Variants in GKAP1 observed in about 807,000 individuals in gnomAD.
The protein encoded by GKAP1 is G kinase-anchoring protein 1.
In GKAP1, 31 loss-of-function variants were observed where a neutral mutation model predicts 56.7. That is an observed-to-expected ratio of 0.55 (90% CI 0.41 to 0.74). GKAP1 has a LOEUF of 0.74. Among genes scored for constraint, GKAP1 ranks in the 30% least tolerant of loss-of-function variants. The probability of loss-of-function intolerance (pLI) is 0.00; values close to 1 mark genes in which losing one functional copy is unlikely to be tolerated. For synonymous variants in GKAP1, 151 were observed against 138.6 expected (o/e 1.09, Z -0.63); for missense variants, 364 against 402.3 (o/e 0.90, Z 0.82).
Position 83,790,937 on chromosome 9 carries a change from GATT to G in GKAP1, c.361-2262_361-2260del, listed in dbSNP as rs553260352. ...ATTTAATTATAGAAAGGGCATTTGA[GATT>G]ATTTCTAATATGTCACATAGTCTGA... On this transcript the variant is annotated intron_variant, in intron 4 of 12. Transcript: ENST00000376371. 8.5e-5 allele frequency among the ~76,000 whole-genome samples: 13 copies of G among 152,346 alleles called. No individual in the cohort carries two copies. The South Asian group carries it at 2.7e-3, about 32-fold the overall frequency.
chr9:83,804,562 G>A (rs1444359440), intron 3 of GKAP1, among the ~76,000 whole-genome samples: 3 of 79,244 alleles, frequency 3.8e-5, no homozygotes, highest in African/African-American at 1.2e-4. Context: ...CGCCCCGTCC[G>A]GGAGGGAGGT....
chr9:83,816,083 G>A (rs1306901143), intron 2 of GKAP1, among the ~76,000 whole-genome samples: 2 of 150,386 alleles, frequency 1.3e-5, no homozygotes, highest in African/African-American at 2.5e-5. Context: ...CAGCTACTCA[G>A]GAGGCTGAGG....
intron 3 of GKAP1, among the ~76,000 whole-genome samples, chr9:83,800,279 G>A (rs866209613): frequency 3.7e-4 from 55 of 149,358 alleles, no homozygotes; most frequent in African/African-American, 1.2e-3. Context: ...GCCCTGTTCT[G>A]CAAGGAGCAG....
chr9:83,817,186 C>A (rs1180376346), intron 1 of GKAP1, 59 bp from the exon 2 acceptor site: 1 of 152,190 alleles, frequency 6.6e-6, no homozygotes, highest in East Asian at 1.9e-4. Context: ...GCCCGGCTCC[C>A]CGGGAGGGAG....
chr9:83,797,259 G>A (rs912450197), intron 4 of GKAP1, among the ~76,000 whole-genome samples: 5 of 152,180 alleles, frequency 3.3e-5, no homozygotes, highest in Non-Finnish European at 1.5e-5. Context: ...CCAAGTAACA[G>A]CTAAGTTTTC....
intron 8 of GKAP1, among the ~76,000 whole-genome samples, chr9:83,768,492 C>T (rs1209938882): frequency 6.6e-6 from 1 of 152,164 alleles, no homozygotes; most frequent in South Asian, 2.1e-4. Context: ...TACAGGTCTA[C>T]CTCTCCATAT....
At chr9:83,805,913 TCAAGAC>T (rs2131322787) in intron 3 of GKAP1, among the ~76,000 whole-genome samples, 1 of 152,238 alleles carries the variant, frequency 6.6e-6, no homozygotes, top group Admixed American at 6.5e-5. Flanking sequence ...GCCCAGGTGT[TCAAGAC>T]CAGCCTATGC....
intron 9 of GKAP1, among the ~76,000 whole-genome samples, chr9:83,751,054 C>G (rs896999972): frequency 2.0e-5 from 3 of 152,106 alleles, no homozygotes; most frequent in Non-Finnish European, 2.9e-5. Flanking sequence ...CCAGGATGGT[C>G]TTGATCTCCT....
At position 83,742,580 on chromosome 9, in the gene GKAP1, G is replaced by C; in HGVS notation, c.925C>G (p.Leu309Val). 6.2e-7 allele frequency: 1 copy of C among 1,611,636 alleles called. No individual in the cohort carries two copies. Among genetic ancestry groups the C allele is most frequent in the Non-Finnish European group, 8.5e-7 (1 of 1,178,814 alleles). The part of the protein sequence containing the change: ...EGEMKDKAEI[L>V]LQVDESQSIK... ...CTTTGTGATTCATCAACTTGCAGAA[G>C]TATTTCTGCCTTATCTTTCACTGAC... is the stretch of plus-strand genomic sequence containing the variant. Residue 309 changes from leucine to valine, a missense_variant, in exon 11 of 13, where the codon CTT becomes GTT. Leu to Val is a conservative substitution (Grantham distance 32, BLOSUM62 1). Transcript: ENST00000376371.
At chr9:83,749,358 C>G (rs1473460708) in intron 9 of GKAP1, among the ~76,000 whole-genome samples, 2 of 151,954 alleles carry the variant, frequency 1.3e-5, no homozygotes, top group Non-Finnish European at 2.9e-5. Context: ...TCCCTAGCAG[C>G]TGGTACTACA....
At chr9:83,769,625 T>C (rs1398939835) in intron 7 of GKAP1, among the ~76,000 whole-genome samples, 1 of 152,228 alleles carries the variant, frequency 6.6e-6, no homozygotes, top group Non-Finnish European at 1.5e-5. Context: ...CATTTGTTGG[T>C]TGATAGACAT....
intron 7 of GKAP1, among the ~76,000 whole-genome samples, chr9:83,773,026 T>A (rs1261532696): frequency 1.1e-4 from 17 of 152,278 alleles, no homozygotes. Flanking sequence ...GACAGACTCT[T>A]TAAAAGTTAG....
chr9:83,779,506 T>TAC lies in GKAP1; in HGVS notation c.585+875_585+876insGT, dbSNP rs1209473400. Among the ~76,000 whole-genome samples, 27 of 124,176 alleles carry TAC rather than the reference T, an allele frequency of 2.2e-4. 1 individual carries two copies. Among genetic ancestry groups the TAC allele is most frequent in the Admixed American group, 6.5e-4 (8 of 12,394 alleles). The allele number at this position is 124,176 out of a possible 152,430, so 81.5% of individuals were successfully genotyped here. On this transcript the variant is annotated intron_variant, in intron 7 of 12. Transcript: ENST00000376371. ...ATACATATATACACATATACACATA[T>TAC]ATGTGTATATATATACACGTGTATA...
intron 7 of GKAP1, among the ~76,000 whole-genome samples, chr9:83,770,856 G>T (rs1050851757): frequency 6.6e-6 from 1 of 151,950 alleles, no homozygotes; most frequent in African/African-American, 2.4e-5. Flanking sequence ...CACTGCGTCC[G>T]GCGTTACATT....
In GKAP1 at chr9:83,742,554, A is replaced by G. The variant is rs920529054; in HGVS notation, c.951T>C (p.Ser317=). ...CCTGAATAGTGAGCTCATTCTTGAT[A>G]CTTTGTGATTCATCAACTTGCAGAA... ...EILLQVDESQ[S]IKNELTIQVT... The change falls in exon 11 of 13, where the codon AGT becomes AGC. Residue 317 remains serine (S), a synonymous_variant. Transcript: ENST00000376371. The G allele has an allele frequency of 1.2e-6, 2 of 1,612,544 alleles. No individual in the cohort carries two copies. The highest frequency in any genetic ancestry group is 8.5e-7 in the Non-Finnish European group (1 of 1,179,326).
chr9:83,747,433 A>G (rs1053794139), intron 10 of GKAP1, among the ~76,000 whole-genome samples: 2 of 152,202 alleles, frequency 1.3e-5, no homozygotes, highest in Non-Finnish European at 2.9e-5. Context: ...AGGAAAACCT[A>G]AAGTGATGAC....
rs1292015494 is a variant in GKAP1 at position 83,762,673 on chromosome 9, A to G, written c.738+6145T>C. Among the ~76,000 whole-genome samples the G allele has an allele frequency of 5.3e-5, 8 of 152,222 alleles. No individual in the cohort carries two copies. In the East Asian group the frequency reaches 7.7e-4, roughly 15 times the overall value. ...TATACTACAGAGCTATAGTAACCAA[A>G]TAACAAGGTACTGGCATAAACACAC... is the stretch of plus-strand genomic sequence containing the variant. On this transcript the variant is annotated intron_variant, in intron 8 of 12. Transcript: ENST00000376371.
chr9:83,779,042 T>C (rs187264660), intron 7 of GKAP1, among the ~76,000 whole-genome samples: 1 of 151,750 alleles, frequency 6.6e-6, no homozygotes. Context: ...GTTTATAGAG[T>C]TGTCTTAGGA....
chr9:83,742,603 G>T lies in GKAP1; in HGVS notation c.905-3C>A, dbSNP rs767083632. The T allele has an allele frequency of 1.9e-6, 3 of 1,605,408 alleles. No individual in the cohort carries two copies. Among genetic ancestry groups the T allele is most frequent in the South Asian group, 1.1e-5 (1 of 90,548 alleles). On this transcript the variant is annotated splice_polypyrimidine_tract_variant and splice_region_variant and intron_variant, in intron 10 of 12. Coordinates refer to ENST00000376371, the MANE Select transcript of GKAP1 (RefSeq NM_025211.4). ...AAGTATTTCTGCCTTATCTTTCACTGACAAAAAAGGAAAAACAGCAGTATA... is the reference window on the plus strand; with the variant it reads ...AAGTATTTCTGCCTTATCTTTCACTTACAAAAAAGGAAAAACAGCAGTATA...
Sources: gnomAD v4.1 joint callset for allele counts (sites outside exome capture counted in the v4.1 genomes callset) on GRCh38, gnomAD v4.1.1 for gene constraint, MANE v1.5 for transcripts, NCBI Gene and HGNC (gene_info 2026-07-23, HGNC 2026-07-21) for gene names.